Variants in CLSTN2 observed in about 807,000 individuals in gnomAD.
CLSTN2 encodes the protein calsyntenin-2.
CLSTN2 carries 48 observed loss-of-function variants against 101.2 expected under a neutral mutation model. The ratio of observed to expected loss-of-function variants is 0.47; its 90% confidence interval spans 0.38 to 0.60. The LOEUF (loss-of-function observed/expected upper bound fraction) is 0.60. Ranked by LOEUF, CLSTN2 falls within the 20% of genes least tolerant of loss-of-function variation. The pLI, the probability that CLSTN2 is intolerant of heterozygous loss-of-function variation, is 0.00. For synonymous variants in CLSTN2, 481 were observed against 463.6 expected (o/e 1.04, Z -0.48); for missense variants, 1,160 against 1,238.2 (o/e 0.94, Z 0.95).
chr3:140,400,488 C>G (rs113715848), intron 2 of CLSTN2, among the ~76,000 whole-genome samples: 2 of 152,242 alleles, frequency 1.3e-5, no homozygotes, highest in African/African-American at 4.8e-5. Context: ...GGCTTGAGGT[C>G]AGGAGTTCGA....
intron 8 of CLSTN2, among the ~76,000 whole-genome samples, chr3:140,497,561 C>T (rs565349562): frequency 1.1e-4 from 17 of 152,320 alleles, no homozygotes; most frequent in African/African-American, 4.1e-4. Flanking sequence ...ATTCTCCAGC[C>T]TGCTGCCCCT....
chr3:140,145,840 C>T (rs901179384), intron 1 of CLSTN2, among the ~76,000 whole-genome samples: 1 of 152,226 alleles, frequency 6.6e-6, no homozygotes, highest in Non-Finnish European at 1.5e-5. Flanking sequence ...ATCTTTCCAA[C>T]ACATCCCACC....
At chr3:140,207,160 GT>G (rs988621324) in intron 2 of CLSTN2, among the ~76,000 whole-genome samples, 6 of 152,260 alleles carry the variant, frequency 3.9e-5, no homozygotes, top group African/African-American at 1.4e-4. Flanking sequence ...CTTCTGGGGT[GT>G]TTGCATTTTA....
At chr3:140,410,910 C>T (rs111622721) in intron 4 of CLSTN2, among the ~76,000 whole-genome samples, 2,038 of 152,010 alleles carry the variant, frequency 0.013, 47 homozygotes, top group African/African-American at 0.046. Context: ...GCCTCAGTAA[C>T]CACAAAGCAA....
chr3:140,469,551 C>G (rs1253559526), intron 8 of CLSTN2, among the ~76,000 whole-genome samples: 1 of 152,174 alleles, frequency 6.6e-6, no homozygotes, highest in African/African-American at 2.4e-5. Flanking sequence ...CCTGGGTCAC[C>G]CCCATGGGTG....
At chr3:139,946,074 TTAAG>T (rs1451740516) in intron 1 of CLSTN2, among the ~76,000 whole-genome samples, 3 of 152,208 alleles carry the variant, frequency 2.0e-5, no homozygotes, top group Non-Finnish European at 4.4e-5. Context: ...TAGACCCTTG[TTAAG>T]TAAGTACATA....
At chr3:140,213,699 T>G (rs1339863378) in intron 2 of CLSTN2, among the ~76,000 whole-genome samples, 1 of 152,164 alleles carries the variant, frequency 6.6e-6, no homozygotes, top group African/African-American at 2.4e-5. Context: ...TCTGACCGTG[T>G]GATGGGGAGA....
At chr3:140,351,792 G>GT (rs398062856) in intron 2 of CLSTN2, among the ~76,000 whole-genome samples, 8,629 of 146,956 alleles carry the variant, frequency 0.059, 726 homozygotes, top group African/African-American at 0.19. Flanking sequence ...GTTTTGTTTT[G>GT]TTTTTTTTTT....
intron 1 of CLSTN2, among the ~76,000 whole-genome samples, chr3:140,032,143 T>C (rs1465663159): frequency 6.6e-6 from 1 of 152,064 alleles, no homozygotes; most frequent in African/African-American, 2.4e-5. Flanking sequence ...ATGAAAGTTA[T>C]AACTGCAAAA....
At chr3:140,268,269 AAGG>A (rs2086713313) in intron 2 of CLSTN2, among the ~76,000 whole-genome samples, 2 of 152,108 alleles carry the variant, frequency 1.3e-5, no homozygotes, top group South Asian at 4.1e-4. Context: ...TACGTAGAGA[AAGG>A]AGCAGTGGAT....
chr3:139,976,073 C>T (rs990785428), intron 1 of CLSTN2, among the ~76,000 whole-genome samples: 3 of 152,318 alleles, frequency 2.0e-5, no homozygotes, highest in East Asian at 1.9e-4. Context: ...ATGGGCAGAT[C>T]GTGGTTGTAT....
intron 2 of CLSTN2, among the ~76,000 whole-genome samples, chr3:140,345,996 GCTT>G (rs750998828): frequency 6.6e-6 from 1 of 152,186 alleles, no homozygotes; most frequent in Non-Finnish European, 1.5e-5. Flanking sequence ...ACCATGCATG[GCTT>G]CCCATGCTGG....
At chr3:140,335,008 C>T (rs767003460) in intron 2 of CLSTN2, among the ~76,000 whole-genome samples, 1 of 152,218 alleles carries the variant, frequency 6.6e-6, no homozygotes, top group Non-Finnish European at 1.5e-5. Flanking sequence ...GGGTATAAAT[C>T]TCCATAGAGG....
chr3:140,476,881 G>A (rs1447392155), intron 8 of CLSTN2, among the ~76,000 whole-genome samples: 2 of 151,940 alleles, frequency 1.3e-5, no homozygotes, highest in African/African-American at 4.8e-5. Context: ...GGATGGTCTC[G>A]ATCTCCTGAC....
chr3:140,417,795 T>C (rs904934089), intron 4 of CLSTN2, among the ~76,000 whole-genome samples: 4 of 152,252 alleles, frequency 2.6e-5, no homozygotes, highest in African/African-American at 9.6e-5. Flanking sequence ...GTGTATCTTA[T>C]TGAAATATGA....
chr3:140,399,581 A>G lies in CLSTN2; in HGVS notation c.233-4048A>G, dbSNP rs1185690199. Among the ~76,000 whole-genome samples, 5 of 152,364 alleles carry G rather than the reference A, an allele frequency of 3.3e-5. 1 individual carries two copies. In the South Asian group the frequency reaches 8.3e-4, roughly 25 times the overall value. On this transcript the variant is annotated intron_variant, in intron 2 of 16. Transcript: ENST00000458420. ...ACAAATATAAGAGCATTTAGCTAGC[A>G]TACAGAATACCAAAATTACAGAATT...
intron 7 of CLSTN2, 109 bp downstream of exon 7, chr3:140,459,878 A>C (rs914429869): frequency 5.2e-5 from 65 of 1,258,948 alleles, no homozygotes; most frequent in African/African-American, 7.4e-5. Context: ...GAAAAGCAGG[A>C]GCCTGAGAGG....
chr3:140,200,842 T>C (rs1228723236), intron 2 of CLSTN2, among the ~76,000 whole-genome samples: 2 of 152,162 alleles, frequency 1.3e-5, no homozygotes, highest in African/African-American at 2.4e-5. Flanking sequence ...TGCTCTTTCT[T>C]TGGGTCTTGG....
At chr3:140,338,829 T>A (rs1392210578) in intron 2 of CLSTN2, among the ~76,000 whole-genome samples, 1 of 152,174 alleles carries the variant, frequency 6.6e-6, no homozygotes, top group Non-Finnish European at 1.5e-5. Context: ...TGCAGCACCC[T>A]CCTTGCCCCC....
Sources: gnomAD v4.1 joint callset for allele counts (sites outside exome capture counted in the v4.1 genomes callset) on GRCh38, gnomAD v4.1.1 for gene constraint, MANE v1.5 for transcripts, NCBI Gene and HGNC (gene_info 2026-07-23, HGNC 2026-07-21) for gene names.